The following PTPRR variants were observed in gnomAD, a reference collection of about 807,000 sequenced individuals.
PTPRR encodes the protein protein tyrosine phosphatase receptor type R.
Under a neutral mutation model 77.2 loss-of-function variants are expected in PTPRR, and 38 were observed. The observed-to-expected ratio is 0.49, with a 90% CI of 0.38 to 0.65. The LOEUF (loss-of-function observed/expected upper bound fraction) is 0.65. Ranked by LOEUF, PTPRR falls within the 30% of genes least tolerant of loss-of-function variation. PTPRR has a pLI of 0.00. For synonymous variants in PTPRR, 299 were observed against 283.1 expected, an observed-to-expected ratio of 1.06 and a Z score of -0.57; for missense variants, 744 against 799.2, an observed-to-expected ratio of 0.93 and a Z score of 0.83.
At chr12:70,656,512 G>C (rs1221799225) in intron 13 of PTPRR, among the ~76,000 whole-genome samples, 192 bp downstream of exon 13, 1 of 152,154 alleles carries the variant, frequency 6.6e-6, no homozygotes, top group African/African-American at 2.4e-5. Context: ...CTGGATGACA[G>C]AGCAAGACCT....
chr12:70,667,544 C>T (rs1219661698), intron 10 of PTPRR, among the ~76,000 whole-genome samples: 1 of 152,082 alleles, frequency 6.6e-6, no homozygotes, highest in African/African-American at 2.4e-5. Context: ...GCCTCTCCAC[C>T]AACATGATGG....
intron 2 of PTPRR, among the ~76,000 whole-genome samples, chr12:70,852,836 A>G (rs1206155131): frequency 6.6e-6 from 1 of 151,964 alleles, no homozygotes; most frequent in Non-Finnish European, 1.5e-5. Flanking sequence ...TAATTTTCTG[A>G]TATTGCGTTT....
At chr12:70,820,418 C>G (rs1891985315) in intron 2 of PTPRR, among the ~76,000 whole-genome samples, 1 of 152,052 alleles carries the variant, frequency 6.6e-6, no homozygotes, top group African/African-American at 2.4e-5. Context: ...ACTGCAAGCT[C>G]CGCTTCCCGA....
At chr12:70,809,767 T>C (rs1049720893) in intron 2 of PTPRR, among the ~76,000 whole-genome samples, 3 of 152,188 alleles carry the variant, frequency 2.0e-5, no homozygotes, top group African/African-American at 7.2e-5. Flanking sequence ...TATGGTTTCA[T>C]CTATCAATAC....
chr12:70,785,866 C>G (rs990250228), intron 2 of PTPRR, among the ~76,000 whole-genome samples: 2 of 152,134 alleles, frequency 1.3e-5, no homozygotes, highest in Admixed American at 6.6e-5. Context: ...GTTTTCAATT[C>G]TCATTATTAT....
chr12:70,772,324 A>G (rs955073592), intron 2 of PTPRR, among the ~76,000 whole-genome samples: 2 of 152,166 alleles, frequency 1.3e-5, no homozygotes, highest in Non-Finnish European at 1.5e-5. Context: ...TACATGTGCA[A>G]TCTCCTATAG....
At chr12:70,905,441 A>T (rs1423330177) in intron 1 of PTPRR, among the ~76,000 whole-genome samples, 1 of 151,888 alleles carries the variant, frequency 6.6e-6, no homozygotes, top group Non-Finnish European at 1.5e-5. Context: ...CTCTTACAGA[A>T]TGTTTAGTAA....
Position 70,660,964 on chromosome 12 carries a change from C to G in PTPRR, c.1742G>C (p.Arg581Pro). 1 of 1,613,662 alleles carries G rather than the reference C, an allele frequency of 6.2e-7. No homozygotes were observed. The highest frequency in any genetic ancestry group is 8.5e-7 in the Non-Finnish European group (1 of 1,179,818). The part of the protein sequence containing the change: ...VEEDRLASQG[R>P]GPVVVHCSAG... ...CCTGCAGTGGACAACCACAGGCCCT[C>G]GGCCCTGGGAAGCAAGTCTGTCTTC... The change falls in exon 12 of 14, where the codon CGA becomes CCA. Residue 581 changes from arginine (R) to proline (P), a missense_variant. Around this residue, in one of 3 missense-constraint regions of PTPRR, gnomAD observed 170 missense variants for 209.8 expected, o/e 0.81. Transcript: ENST00000283228.
intron 13 of PTPRR, among the ~76,000 whole-genome samples, chr12:70,645,696 AC>A (rs1305002301): frequency 6.6e-6 from 1 of 152,108 alleles, no homozygotes; most frequent in Non-Finnish European, 1.5e-5. Context: ...CAGATATACT[AC>A]CCTCCTATAA....
chr12:70,758,978 AG>A (rs1236899432), intron 4 of PTPRR, among the ~76,000 whole-genome samples: 1 of 152,086 alleles, frequency 6.6e-6, no homozygotes, highest in Non-Finnish European at 1.5e-5. Context: ...GACTCCACCC[AG>A]GCTGGAGTGC....
chr12:70,892,423 A>T (rs1050821121), intron 2 of PTPRR, among the ~76,000 whole-genome samples: 1 of 152,018 alleles, frequency 6.6e-6, no homozygotes, highest in Admixed American at 6.6e-5. Flanking sequence ...TTTTATTCAA[A>T]TATTTATTAA....
chr12:70,670,757 T>A (rs1887193982), intron 10 of PTPRR, among the ~76,000 whole-genome samples: 1 of 152,240 alleles, frequency 6.6e-6, no homozygotes, highest in African/African-American at 2.4e-5. Flanking sequence ...AGCCACTATG[T>A]CTTCTCTAGC....
At chr12:70,740,762 C>T (rs1033021775) in intron 6 of PTPRR, among the ~76,000 whole-genome samples, 3 of 152,046 alleles carry the variant, frequency 2.0e-5, no homozygotes, top group African/African-American at 7.2e-5. Flanking sequence ...ACTTATAATG[C>T]AGTCTTTATG....
intron 2 of PTPRR, among the ~76,000 whole-genome samples, chr12:70,831,711 TCACCTGCATGTAGCCA>T (rs1372122243): frequency 6.6e-6 from 1 of 152,192 alleles, no homozygotes; most frequent in African/African-American, 2.4e-5. Flanking sequence ...GCCTTCTGGC[TCACCTGCATGTAGCCA>T]CATAAAGCTT....
intron 2 of PTPRR, among the ~76,000 whole-genome samples, chr12:70,861,646 G>C (rs1429104265): frequency 6.6e-6 from 1 of 152,124 alleles, no homozygotes; most frequent in Admixed American, 6.6e-5. Context: ...CTAGGCTGCA[G>C]TGAACACAGT....
At chr12:70,741,895 C>T (rs1182842089) in intron 6 of PTPRR, among the ~76,000 whole-genome samples, 2 of 152,036 alleles carry the variant, frequency 1.3e-5, no homozygotes. Context: ...GGGGATCATG[C>T]CTTAGATATG....
intron 2 of PTPRR, among the ~76,000 whole-genome samples, chr12:70,792,756 A>AT (rs957091958): frequency 5.3e-5 from 8 of 151,864 alleles, no homozygotes; most frequent in Non-Finnish European, 1.2e-4. Context: ...ATCAATTTAA[A>AT]TTTTTTTTGC....
At position 70,717,974 on chromosome 12, in the gene PTPRR, C is replaced by G. The variant is rs569266080; in HGVS notation, c.1008-16651G>C. ...GGTCAGTAATTTTCCTGTAATAATG[C>G]TTATTGATTTCTGGCATGAATAGGC... is the stretch of plus-strand genomic sequence containing the variant. On this transcript the variant is annotated intron_variant, in intron 6 of 13. Transcript: ENST00000283228. Among the ~76,000 whole-genome samples the G allele has an allele frequency of 6.9e-4, 105 of 152,134 alleles. 1 individual carries two copies. In the South Asian group the frequency reaches 0.021, roughly 31 times the overall value.
chr12:70,802,658 C>T (rs939097849), intron 2 of PTPRR, among the ~76,000 whole-genome samples: 6 of 152,154 alleles, frequency 3.9e-5, no homozygotes, highest in African/African-American at 1.4e-4. Flanking sequence ...GTTAGTTTCC[C>T]ATCTGGGGTC....
Sources: allele counts gnomAD v4.1 joint callset (sites outside exome capture counted in the v4.1 genomes callset), GRCh38; gene constraint gnomAD v4.1.1; regional missense constraint gnomAD v4.1.1; transcripts MANE v1.5; gene names NCBI Gene and HGNC (gene_info 2026-07-23, HGNC 2026-07-21).